Variants in SLC16A12 observed in about 807,000 individuals in gnomAD.
SLC16A12 encodes the protein monocarboxylate transporter 12.
SLC16A12 carries 17 observed loss-of-function variants against 42.4 expected under a neutral mutation model. The observed-to-expected ratio is 0.40, with a 90% CI of 0.27 to 0.60. SLC16A12 has a LOEUF of 0.60. SLC16A12 is among the 20% of genes least tolerant of loss of function. The pLI, the probability that SLC16A12 is intolerant of heterozygous loss-of-function variation, is 0.42. For synonymous variants in SLC16A12, 224 were observed against 229.4 expected, an observed-to-expected ratio of 0.98 and a Z score of 0.21; for missense variants, 544 against 623.0, an observed-to-expected ratio of 0.87 and a Z score of 1.35.
intron 2 of SLC16A12, among the ~76,000 whole-genome samples, chr10:89,542,726 C>T (rs550373213): frequency 4.0e-4 from 61 of 152,330 alleles, no homozygotes; most frequent in African/African-American, 1.4e-3. Flanking sequence ...TCTCCCCGCC[C>T]AACTATACAG....
intron 3 of SLC16A12, among the ~76,000 whole-genome samples, chr10:89,449,954 T>C (rs1385521102): frequency 6.6e-6 from 1 of 152,188 alleles, no homozygotes; most frequent in Admixed American, 6.5e-5. Context: ...GCAAAGGATA[T>C]GAAGAGACAC....
chr10:89,534,868 T>G (rs1264868546), intron 1 of SLC16A12, among the ~76,000 whole-genome samples: 4 of 151,982 alleles, frequency 2.6e-5, no homozygotes, highest in Middle Eastern at 3.4e-3. Context: ...AATGCTGATG[T>G]GTGAAAACGG....
upstream of SLC16A12, among the ~76,000 whole-genome samples, chr10:89,535,948 C>T (rs1843652986): frequency 6.6e-6 from 1 of 152,248 alleles, no homozygotes; most frequent in Admixed American, 6.5e-5. Flanking sequence ...GCCCCGCCAG[C>T]TCCGCCGGGG....
chr10:89,518,864 A>G (rs916568492), intron 2 of SLC16A12, among the ~76,000 whole-genome samples: 2 of 152,176 alleles, frequency 1.3e-5, no homozygotes, highest in African/African-American at 4.8e-5. Context: ...GCTTTTTCCT[A>G]TTATCATATC....
rs529791347 is a variant in SLC16A12 at position 89,495,357 on chromosome 10, AAAACAAACAAAC to A, written c.-46-32745_-46-32734del. 1.3e-3 allele frequency among the ~76,000 whole-genome samples: 202 copies of A among 152,102 alleles called. 1 individual carries two copies. Among genetic ancestry groups the A allele is most frequent in the Non-Finnish European group, 2.0e-3 (135 of 67,996 alleles). On this transcript the variant is annotated intron_variant, in intron 2 of 7. Coordinates refer to ENST00000371790, the MANE Select transcript of SLC16A12 (RefSeq NM_213606.4). ...CACAGAGCAAGACTCCGTCTCTCAA[AAAACAAACAAAC>A]AAACAAACAAACATCACACTAGGAA...
chr10:89,504,768 A>G (rs938069400), intron 2 of SLC16A12, among the ~76,000 whole-genome samples: 1 of 152,206 alleles, frequency 6.6e-6, no homozygotes, highest in Non-Finnish European at 1.5e-5. Flanking sequence ...AAGGTGGATG[A>G]GAGAAGCAGA....
chr10:89,460,106 G>A (rs1842272143), intron 3 of SLC16A12, among the ~76,000 whole-genome samples: 1 of 152,102 alleles, frequency 6.6e-6, no homozygotes, highest in Admixed American at 6.5e-5. Context: ...CCACAGAAGT[G>A]CAACTTCATC....
chr10:89,529,136 G>A (rs1272141039), intron 2 of SLC16A12, among the ~76,000 whole-genome samples: 1 of 151,896 alleles, frequency 6.6e-6, no homozygotes. Context: ...TATTTTTTTG[G>A]TGGTTCCTTC....
chr10:89,453,914 C>A (rs1445383920), intron 3 of SLC16A12, among the ~76,000 whole-genome samples: 1 of 152,150 alleles, frequency 6.6e-6, no homozygotes, highest in African/African-American at 2.4e-5. Flanking sequence ...CCCTGGAGAC[C>A]AAAATCAGTC....
intron 2 of SLC16A12, among the ~76,000 whole-genome samples, chr10:89,548,526 C>T (rs574770954): frequency 2.6e-5 from 4 of 151,866 alleles, no homozygotes; most frequent in East Asian, 1.9e-4. Context: ...AAAAAAAAAA[C>T]GCAGTCGCGA....
chr10:89,453,964 C>T (rs534976290), intron 3 of SLC16A12, among the ~76,000 whole-genome samples: 86 of 146,090 alleles, frequency 5.9e-4, no homozygotes, highest in African/African-American at 2.0e-3. Flanking sequence ...CCAAGTTCTA[C>T]TTATTCTCTC....
chr10:89,498,414 A>G (rs1009065829), intron 2 of SLC16A12, among the ~76,000 whole-genome samples: 1 of 152,248 alleles, frequency 6.6e-6, no homozygotes, highest in African/African-American at 2.4e-5. Context: ...TTTATGTACA[A>G]TTGGCTGAAA....
chr10:89,515,146 A>T (rs1470558336), intron 2 of SLC16A12, among the ~76,000 whole-genome samples: 1 of 151,488 alleles, frequency 6.6e-6, no homozygotes, highest in Non-Finnish European at 1.5e-5. Context: ...AAAAGAAAAG[A>T]AAAGCGGCCT....
At chr10:89,476,852 G>A (rs1377901120) in intron 2 of SLC16A12, among the ~76,000 whole-genome samples, 1 of 152,196 alleles carries the variant, frequency 6.6e-6, no homozygotes, top group Non-Finnish European at 1.5e-5. Flanking sequence ...GCCGCAGGAG[G>A]GCTCACCTAC....
At chr10:89,517,461 C>T (rs1564596808) in intron 2 of SLC16A12, among the ~76,000 whole-genome samples, 1 of 151,084 alleles carries the variant, frequency 6.6e-6, no homozygotes, top group African/African-American at 2.4e-5. Flanking sequence ...TAATCACATG[C>T]CACTTGCCCA....
rs188602697 is a variant in SLC16A12 at position 89,510,155 on chromosome 10, C to T, written c.-47+24346G>A. 3.7e-3 allele frequency among the ~76,000 whole-genome samples: 565 copies of T among 152,320 alleles called. 2 individuals carry two copies. The highest frequency in any genetic ancestry group is 0.012 in the African/African-American group (517 of 41,572). ...GATCAATATCGTGAAAATGGCCATA[C>T]AGCCCAAAGTAATTTATAGAGTCAA... On this transcript the variant is annotated intron_variant, in intron 2 of 7. Transcript: ENST00000371790.
At chr10:89,517,989 G>A (rs1409729901) in intron 2 of SLC16A12, among the ~76,000 whole-genome samples, 1 of 152,104 alleles carries the variant, frequency 6.6e-6, no homozygotes, top group African/African-American at 2.4e-5. Context: ...CTTAGACTTG[G>A]GGAAAACAGA....
intron 2 of SLC16A12, among the ~76,000 whole-genome samples, chr10:89,552,697 A>T (rs1338064441): frequency 6.6e-6 from 1 of 152,162 alleles, no homozygotes; most frequent in African/African-American, 2.4e-5. Context: ...GTAAGTTGGG[A>T]GTATGATAAT....
intron 2 of SLC16A12, among the ~76,000 whole-genome samples, chr10:89,546,716 A>G (rs927222157): frequency 6.6e-5 from 10 of 152,230 alleles, no homozygotes; most frequent in African/African-American, 2.4e-4. Flanking sequence ...TCATTATACT[A>G]TAAAGACACA....
Sources: gnomAD v4.1 joint callset for allele counts (sites outside exome capture counted in the v4.1 genomes callset) on GRCh38, gnomAD v4.1.1 for gene constraint, MANE v1.5 for transcripts, NCBI Gene and HGNC (gene_info 2026-07-23, HGNC 2026-07-21) for gene names.